The following RSPO2 variants were observed in gnomAD, a reference collection of about 807,000 sequenced individuals.
RSPO2 encodes R-spondin-2.
RSPO2 carries 14 observed loss-of-function variants against 30.9 expected under a neutral mutation model. The ratio of observed to expected loss-of-function variants is 0.45; its 90% CI spans 0.30 to 0.71. The LOEUF (loss-of-function observed/expected upper bound fraction) is 0.71, where lower values mean the gene tolerates loss of function less well. RSPO2 is among the 30% of genes least tolerant of loss of function. The pLI, the probability that RSPO2 is intolerant of heterozygous loss-of-function variation, is 0.08. For missense variants in RSPO2, 264 were observed against 301.9 expected, an observed-to-expected ratio of 0.87 and a Z score of 0.93; for synonymous variants, 107 against 96.4, an observed-to-expected ratio of 1.11 and a Z score of -0.64.
intron 2 of RSPO2, among the ~76,000 whole-genome samples, chr8:108,031,349 G>A (rs772375199): frequency 3.3e-4 from 50 of 152,290 alleles, no homozygotes; most frequent in Non-Finnish European, 6.0e-4. Context: ...TCCATTATGA[G>A]TTTTCCTTTC....
intron 5 of RSPO2, among the ~76,000 whole-genome samples, chr8:107,943,335 C>G (rs1812958060): frequency 6.6e-6 from 1 of 152,154 alleles, no homozygotes; most frequent in African/African-American, 2.4e-5. Context: ...CTGAAAGTTA[C>G]ATAAAATATC....
chr8:107,992,618 G>A (rs941046639), intron 2 of RSPO2, among the ~76,000 whole-genome samples: 1 of 152,096 alleles, frequency 6.6e-6, no homozygotes, highest in Non-Finnish European at 1.5e-5. Context: ...TTAATTTCCA[G>A]ATAAAGACAT....
At chr8:107,979,114 T>C (rs1359007984) in intron 3 of RSPO2, among the ~76,000 whole-genome samples, 1 of 152,174 alleles carries the variant, frequency 6.6e-6, no homozygotes, top group Non-Finnish European at 1.5e-5. Context: ...ATTGTGGAAG[T>C]CAGTGTGGTG....
At chr8:107,913,020 A>G (rs1025052119) in intron 5 of RSPO2, among the ~76,000 whole-genome samples, 3 of 152,190 alleles carry the variant, frequency 2.0e-5, no homozygotes, top group Non-Finnish European at 4.4e-5. Flanking sequence ...ACATATTTTC[A>G]TGGTACATGT....
chr8:107,957,936 T>C, intron 5 of RSPO2, 144 bp downstream of exon 5: 1 of 561,896 alleles, frequency 1.8e-6, no homozygotes, highest in Middle Eastern at 3.4e-4. Context: ...TGTTTTTAAA[T>C]AAGTACAACA....
chr8:107,971,129 A>C (rs1042598245), intron 3 of RSPO2, among the ~76,000 whole-genome samples: 1 of 152,204 alleles, frequency 6.6e-6, no homozygotes, highest in African/African-American at 2.4e-5. Context: ...AAACAGCACA[A>C]GGTGGCTTCT....
At chr8:108,032,536 C>T (rs540739156) in intron 2 of RSPO2, among the ~76,000 whole-genome samples, 9 of 152,312 alleles carry the variant, frequency 5.9e-5, no homozygotes, top group Admixed American at 5.9e-4. Context: ...TTGTCTATTA[C>T]TTCAAAATTA....
At chr8:107,966,304 G>A (rs1315570319) in intron 3 of RSPO2, among the ~76,000 whole-genome samples, 1 of 152,054 alleles carries the variant, frequency 6.6e-6, no homozygotes, top group Non-Finnish European at 1.5e-5. Flanking sequence ...CAGTCCCTAT[G>A]GGCCAACCAT....
chr8:107,907,550 C>G (rs1811690366), intron 5 of RSPO2, among the ~76,000 whole-genome samples: 1 of 151,936 alleles, frequency 6.6e-6, no homozygotes, highest in Non-Finnish European at 1.5e-5. Flanking sequence ...CATAAAAGAG[C>G]ATGTGCTTTT....
At chr8:107,923,666 C>T (rs969895271) in intron 5 of RSPO2, among the ~76,000 whole-genome samples, 10 of 152,172 alleles carry the variant, frequency 6.6e-5, no homozygotes, top group African/African-American at 2.4e-4. Context: ...ATGGAATCAC[C>T]CAAGATGCCC....
intron 2 of RSPO2, among the ~76,000 whole-genome samples, chr8:108,070,119 C>G (rs1267585540): frequency 6.6e-6 from 1 of 152,088 alleles, no homozygotes; most frequent in African/African-American, 2.4e-5. Context: ...TAGCATATTA[C>G]TGAAGTTTAC....
intron 2 of RSPO2, among the ~76,000 whole-genome samples, chr8:108,020,320 G>GC (rs1811019491): frequency 6.6e-6 from 1 of 151,984 alleles, no homozygotes; most frequent in Non-Finnish European, 1.5e-5. Flanking sequence ...CAACGTACAC[G>GC]CCTTTCATGC....
chr8:107,933,341 G>A (rs1344102630), intron 5 of RSPO2, among the ~76,000 whole-genome samples: 1 of 152,124 alleles, frequency 6.6e-6, no homozygotes. Flanking sequence ...AAAAGTAACT[G>A]GCCAAAAGGA....
chr8:107,928,261 T>C (rs1374835592), intron 5 of RSPO2, among the ~76,000 whole-genome samples: 1 of 152,184 alleles, frequency 6.6e-6, no homozygotes, highest in Non-Finnish European at 1.5e-5. Flanking sequence ...CCTTAAACCT[T>C]ATTAGATCAT....
At chr8:108,058,647 G>T (rs1253778230) in intron 2 of RSPO2, among the ~76,000 whole-genome samples, 1 of 151,884 alleles carries the variant, frequency 6.6e-6, no homozygotes, top group Non-Finnish European at 1.5e-5. Flanking sequence ...TACCAAAACA[G>T]AGATATAGAT....
Position 107,926,368 on chromosome 8 carries a change from G to A in RSPO2, c.617-25178C>T, listed in dbSNP as rs535525409. ...CTGTAGGTTGCCTGTTCACTCTGATGGTAGTTTCTTTTGCTGTGCAGAAGC... is the reference window on the plus strand; with the variant it reads ...CTGTAGGTTGCCTGTTCACTCTGATAGTAGTTTCTTTTGCTGTGCAGAAGC... On this transcript the variant is annotated intron_variant, in intron 5 of 5. Coordinates refer to ENST00000276659, the MANE Select transcript of RSPO2 (RefSeq NM_178565.5). Among the ~76,000 whole-genome samples, 43 of 152,130 alleles carry A rather than the reference G, an allele frequency of 2.8e-4. 2 individuals are homozygous for A. Among genetic ancestry groups the A allele is most frequent in the African/African-American group, 1.0e-3 (42 of 41,468 alleles).
At chr8:108,010,670 G>C (rs1810675527) in intron 2 of RSPO2, among the ~76,000 whole-genome samples, 1 of 152,116 alleles carries the variant, frequency 6.6e-6, no homozygotes, top group African/African-American at 2.4e-5. Flanking sequence ...AGATGCAGAA[G>C]AGTGAAGATC....
chr8:108,053,307 G>C (rs1812131043), intron 2 of RSPO2, among the ~76,000 whole-genome samples: 1 of 152,076 alleles, frequency 6.6e-6, no homozygotes, highest in Non-Finnish European at 1.5e-5. Context: ...TCCATACCTA[G>C]AATCTCAAGG....
At chr8:107,909,109 G>A (rs745534315) in intron 5 of RSPO2, among the ~76,000 whole-genome samples, 16 of 152,090 alleles carry the variant, frequency 1.1e-4, no homozygotes, top group Non-Finnish European at 1.6e-4. Flanking sequence ...AGGCCCTGCT[G>A]TAGTCCACTT....
Sources: allele counts gnomAD v4.1 joint callset (sites outside exome capture counted in the v4.1 genomes callset), GRCh38; gene constraint gnomAD v4.1.1; transcripts MANE v1.5; gene names NCBI Gene and HGNC (gene_info 2026-07-23, HGNC 2026-07-21).